Variants in SMG6 observed in about 807,000 individuals in gnomAD.
SMG6 encodes telomerase-binding protein EST1A.
SMG6 carries 66 observed loss-of-function variants against 142.2 expected under a neutral mutation model. That is an observed-to-expected ratio of 0.46 (90% CI 0.38 to 0.57). The LOEUF (loss-of-function observed/expected upper bound fraction) is 0.57. Ranked by LOEUF, SMG6 falls within the 20% of genes least tolerant of loss-of-function variation. SMG6 has a pLI of 0.00. For synonymous variants in SMG6, 779 were observed against 702.4 expected (o/e 1.11, Z -1.72); for missense variants, 1,793 against 1,832.0 (o/e 0.98, Z 0.39).
intron 10 of SMG6, among the ~76,000 whole-genome samples, chr17:2,196,717 C>T (rs879613904): frequency 7.9e-5 from 12 of 152,064 alleles, no homozygotes; most frequent in Admixed American, 2.0e-4. Context: ...CGGGAGAAAT[C>T]GTTCTCCCTG....
chr17:2,085,813 T>C lies in SMG6; in HGVS notation c.3446A>G (p.Lys1149Arg). The change falls in exon 14 of 19, where the codon AAG becomes AGG. Residue 1149 changes from lysine (K) to arginine (R), a missense_variant. By Grantham distance (26) the Lys-to-Arg change is conservative. Transcript: ENST00000263073. The surrounding 1 kb of genome is among the most constrained non-coding windows in gnomAD (Gnocchi z 4.1). Reference sequence around the variant, plus strand: ...TGCCACTGACACATACTTTCCACCCTTGAATGCCAGCAGAGGCTCTTCTTG... The same window carrying C: ...TGCCACTGACACATACTTTCCACCCCTGAATGCCAGCAGAGGCTCTTCTTG... ...CGQEEPLLAF[K>R]GGKYVSVAPV... 6.2e-7 allele frequency: 1 copy of C among 1,614,152 alleles called. No individual in the cohort carries two copies. The highest frequency in any genetic ancestry group is 1.1e-5 in the South Asian group (1 of 91,086).
chr17:2,194,707 C>CAAAAA (rs11415492), intron 10 of SMG6, among the ~76,000 whole-genome samples: 4 of 139,990 alleles, frequency 2.9e-5, no homozygotes, highest in African/African-American at 5.5e-5. Flanking sequence ...GAAAACAAAA[C>CAAAAA]AAAACAAAAA....
At chr17:2,110,567 C>T (rs1192347673) in intron 13 of SMG6, among the ~76,000 whole-genome samples, 2 of 152,152 alleles carry the variant, frequency 1.3e-5, no homozygotes, top group Admixed American at 1.3e-4. Context: ...CAATAAAGCA[C>T]TCTGTGTTGG....
chr17:2,109,952 G>A (rs1018354820), intron 13 of SMG6, among the ~76,000 whole-genome samples: 7 of 152,004 alleles, frequency 4.6e-5, no homozygotes, highest in South Asian at 2.1e-4. Flanking sequence ...GCGTGGTGGT[G>A]CACGTCTGCA....
chr17:2,201,329 CAGAT>C lies in SMG6; in HGVS notation c.2870-12818_2870-12815del, dbSNP rs542948977. Among the ~76,000 whole-genome samples, 471 of 152,292 alleles carry C rather than the reference CAGAT, an allele frequency of 3.1e-3. 1 individual carries two copies. The highest frequency in any genetic ancestry group is 5.0e-3 in the Non-Finnish European group (337 of 68,022). ...ACCCAACAGCATGGCAATAATAAAA[CAGAT>C]GGATGAACAATAACAAGCATTGGAG... On this transcript the variant is annotated intron_variant, in intron 10 of 18. Coordinates refer to ENST00000263073, the MANE Select transcript of SMG6 (RefSeq NM_017575.5).
At chr17:2,099,903 C>T (rs1290108959) in intron 13 of SMG6, among the ~76,000 whole-genome samples, 1 of 152,206 alleles carries the variant, frequency 6.6e-6, no homozygotes, top group Non-Finnish European at 1.5e-5. Flanking sequence ...CACTCTGTCG[C>T]CCAGGCTGGA....
Position 2,299,440 on chromosome 17 carries a change from G to T in SMG6, c.1313C>A (p.Ser438Tyr). 1 of 1,614,136 alleles carries T rather than the reference G, an allele frequency of 6.2e-7. No homozygotes were observed. Among genetic ancestry groups the T allele is most frequent in the Non-Finnish European group, 8.5e-7 (1 of 1,180,034 alleles). Residue 438 changes from serine (S) to tyrosine (Y), a missense_variant, in exon 2 of 19, where the codon TCT (serine) becomes TAT (tyrosine). Ser to Tyr is a moderately radical substitution (Grantham distance 144, BLOSUM62 -2). Around this residue, in one of 3 missense-constraint regions of SMG6, gnomAD observed 1,597 missense variants for 1,584.6 expected, o/e 1.01. Coordinates refer to ENST00000263073, the MANE Select transcript of SMG6 (RefSeq NM_017575.5). This position sits in a 1 kb window ranked among gnomAD's most constrained non-coding sequence, Gnocchi z 4.3. Reference protein sequence around the residue: ...APLGPRLLFGSGSKGSRSWGR... With the variant: ...APLGPRLLFGYGSKGSRSWGR... ...CCAACTCCGAGATCCCTTACTACCA[G>T]ATCCAAACAAAAGCCGAGGTCCCAA...
At position 2,299,982 on chromosome 17, in the gene SMG6, G is replaced by A. The variant is rs1242135687; in HGVS notation, c.771C>T (p.Arg257=). 1.2e-6 allele frequency: 2 copies of A among 1,614,072 alleles called. No individual in the cohort carries two copies. The highest frequency in any genetic ancestry group is 1.7e-6 in the Non-Finnish European group (2 of 1,180,014). ...TGTTGCTGCCAGCTGAGCTGGTGCT[G>A]CGCGTGCGGTAGCGATTCCTTCGTT... is the stretch of plus-strand genomic sequence containing the variant. ...SDKRRNRYRT[R]STSSAGSNNS... Residue 257 remains arginine, a synonymous_variant, in exon 2 of 19, where the codon CGC becomes CGT. Coordinates refer to ENST00000263073, the MANE Select transcript of SMG6 (RefSeq NM_017575.5). The surrounding 1 kb of genome is among the most constrained non-coding windows in gnomAD (Gnocchi z 4.3).
chr17:2,249,745 A>G (rs2074006922), intron 8 of SMG6, among the ~76,000 whole-genome samples: 1 of 152,198 alleles, frequency 6.6e-6, no homozygotes, highest in Non-Finnish European at 1.5e-5. Context: ...CCTACTGTTC[A>G]CTGAAACAAA....
At chr17:2,268,401 C>A (rs1237177999) in intron 8 of SMG6, among the ~76,000 whole-genome samples, 4 of 152,180 alleles carry the variant, frequency 2.6e-5, no homozygotes, top group Non-Finnish European at 5.9e-5. Flanking sequence ...ACCACTCATA[C>A]ACAGCAGCTT....
chr17:2,261,801 C>G (rs1360916373), intron 8 of SMG6, among the ~76,000 whole-genome samples: 1 of 152,196 alleles, frequency 6.6e-6, no homozygotes, highest in Admixed American at 6.5e-5. Context: ...GCAGTGACCA[C>G]AAGTGACAGC....
intron 15 of SMG6, among the ~76,000 whole-genome samples, chr17:2,072,163 C>T (rs1174930284): frequency 2.0e-5 from 3 of 152,112 alleles, no homozygotes; most frequent in African/African-American, 7.2e-5. Flanking sequence ...GAGTAAAAAG[C>T]TGCAGAAGCC....
intron 13 of SMG6, among the ~76,000 whole-genome samples, chr17:2,145,459 G>A (rs1480580961): frequency 6.6e-6 from 1 of 151,564 alleles, no homozygotes; most frequent in East Asian, 1.9e-4. Flanking sequence ...AGGTTGTTCA[G>A]TGTATCTAAT....
chr17:2,230,200 A>AAAAG (rs2073435144), intron 10 of SMG6, among the ~76,000 whole-genome samples: 4 of 113,806 alleles, frequency 3.5e-5, no homozygotes, highest in African/African-American at 1.4e-4. Context: ...AAAAAAAAAA[A>AAAAG]AAAAAAAAAA....
At chr17:2,113,223 T>TG (rs370373878) in intron 13 of SMG6, among the ~76,000 whole-genome samples, 6 of 152,124 alleles carry the variant, frequency 3.9e-5, no homozygotes, top group African/African-American at 1.4e-4. Flanking sequence ...ATTGCAGGCG[T>TG]GTGCCACCAT....
chr17:2,081,708 TCA>T, intron 15 of SMG6, 100 bp downstream of exon 15: 1 of 1,349,086 alleles, frequency 7.4e-7, no homozygotes, highest in South Asian at 1.2e-5. Context: ...CAGGACTGAC[TCA>T]CTCTTAGTGT....
At chr17:2,179,138 C>T (rs2071732221) in intron 12 of SMG6, among the ~76,000 whole-genome samples, 1 of 152,178 alleles carries the variant, frequency 6.6e-6, no homozygotes, top group African/African-American at 2.4e-5. Context: ...TGGTGCCAGG[C>T]TGCAGTGCTA....
chr17:2,276,180 A>G (rs184994244), intron 8 of SMG6, among the ~76,000 whole-genome samples: 4 of 152,362 alleles, frequency 2.6e-5, no homozygotes, highest in Admixed American at 1.3e-4. Context: ...CAATTTGGGC[A>G]TAACACAAAC....
rs772638295 is a variant in SMG6 at position 2,081,965 on chromosome 17, G to C, written c.3535-9C>G. The C allele has an allele frequency of 2.5e-6, 4 of 1,613,894 alleles. No homozygotes were observed. In the South Asian group the frequency reaches 3.3e-5, roughly 13 times the overall value. On this transcript the variant is annotated splice_polypyrimidine_tract_variant and intron_variant, in intron 14 of 18. Transcript: ENST00000263073. ...ATCACCACATCCTCCTCCTTTGGGT[G>C]GTGGAGCCGACCAGGACAAAGAGGA...
Sources: gnomAD v4.1 joint callset for allele counts (sites outside exome capture counted in the v4.1 genomes callset) on GRCh38, gnomAD v4.1.1 for gene constraint, gnomAD v4.1.1 regional missense constraint, Gnocchi (gnomAD v3.1) non-coding constraint, MANE v1.5 for transcripts, NCBI Gene and HGNC (gene_info 2026-07-23, HGNC 2026-07-21) for gene names.